The following ARHGAP29 variants were observed in gnomAD, a reference collection of about 807,000 sequenced individuals.
ARHGAP29 encodes Rho GTPase activating protein 29, also known as rho GTPase-activating protein 29.
Under a neutral mutation model 122.6 loss-of-function variants are expected in ARHGAP29, and 43 were observed. The observed-to-expected ratio is 0.35, with a 90% CI of 0.27 to 0.45. The LOEUF (loss-of-function observed/expected upper bound fraction) is 0.45. ARHGAP29 is among the 20% of genes least tolerant of loss of function. The probability of loss-of-function intolerance (pLI) is 1.00; values close to 1 mark genes in which losing one functional copy is unlikely to be tolerated. For missense variants in ARHGAP29, 1,303 were observed against 1,477.2 expected (o/e 0.88, Z 1.93); for synonymous variants, 506 against 497.1 (o/e 1.02, Z -0.24).
chr1:94,225,571 ACATTT>A (rs1013640091), intron 2 of ARHGAP29, among the ~76,000 whole-genome samples: 22 of 152,202 alleles, frequency 1.4e-4, no homozygotes, highest in Non-Finnish European at 2.8e-4. Flanking sequence ...AAAAGACATT[ACATTT>A]AAGTTTCAAT....
intron 1 of ARHGAP29, among the ~76,000 whole-genome samples, chr1:94,264,903 C>T: frequency 6.6e-6 from 1 of 152,182 alleles, no homozygotes; most frequent in Non-Finnish European, 1.5e-5. Flanking sequence ...TGGGTTGCCA[C>T]TTCTGCCCTA....
At chr1:94,217,529 CA>C (rs11297785) in intron 3 of ARHGAP29, among the ~76,000 whole-genome samples, 102,640 of 127,584 alleles carry the variant, frequency 0.8, 41,947 homozygotes, top group Non-Finnish European at 0.91. Flanking sequence ...GACACCGTCT[CA>C]AAAAAAAAAA....
At chr1:94,240,971 A>C (rs1243445013), upstream of ARHGAP29, among the ~76,000 whole-genome samples, 1 of 152,128 alleles carries the variant, frequency 6.6e-6, no homozygotes, top group Non-Finnish European at 1.5e-5. Flanking sequence ...ATTTGACAAT[A>C]TCTGGAGACA....
chr1:94,302,607 A>T, the ARHGAP29 span: 1 of 395,262 alleles, frequency 2.5e-6, no homozygotes, highest in Non-Finnish European at 5.0e-6. Context: ...CTGTGGTGTG[A>T]TGGCCATGGG....
intron 2 of ARHGAP29, among the ~76,000 whole-genome samples, chr1:94,228,128 T>G (rs528938709): frequency 6.6e-6 from 1 of 151,738 alleles, no homozygotes; most frequent in South Asian, 2.1e-4. Flanking sequence ...ATTTGTAAAT[T>G]AGAAAATTAG....
intron 12 of ARHGAP29, chr1:94,195,957 T>A (rs1356498778): frequency 6.6e-6 from 1 of 152,202 alleles, no homozygotes; most frequent in African/African-American, 2.4e-5. Flanking sequence ...CATTAATAAT[T>A]GTTACTGTGT....
intron 2 of ARHGAP29, among the ~76,000 whole-genome samples, chr1:94,223,868 T>G (rs950510985): frequency 6.6e-5 from 10 of 151,752 alleles, no homozygotes; most frequent in Non-Finnish European, 1.3e-4. Flanking sequence ...AATGCCACGG[T>G]GCAATCTCAG....
At chr1:94,218,804 G>C (rs1186011802) in intron 3 of ARHGAP29, among the ~76,000 whole-genome samples, 1 of 152,150 alleles carries the variant, frequency 6.6e-6, no homozygotes, top group Non-Finnish European at 1.5e-5. Flanking sequence ...GCTGGTAGGG[G>C]TGGTTTCCTT....
intron 1 of ARHGAP29, among the ~76,000 whole-genome samples, chr1:94,271,187 C>G (rs1654979124): frequency 6.6e-6 from 1 of 152,212 alleles, no homozygotes; most frequent in African/African-American, 2.4e-5. Flanking sequence ...CAGAGGCCTC[C>G]TTCAATTGCT....
intron 16 of ARHGAP29, 107 bp downstream of exon 16, chr1:94,186,392 A>G (rs1011393479): frequency 5.0e-5 from 37 of 746,964 alleles, no homozygotes; most frequent in Admixed American, 1.7e-4. Context: ...TTTTTGTTTA[A>G]TACACAAAAA....
rs775193842 is a variant in ARHGAP29 at position 94,189,287 on chromosome 1, T to A, written c.1505A>T (p.Asp502Val). The A allele has an allele frequency of 1.6e-5, 26 of 1,613,140 alleles. No individual in the cohort carries two copies. Among genetic ancestry groups the A allele is most frequent in the Non-Finnish European group, 2.2e-5 (26 of 1,179,472 alleles). The change falls in exon 14 of 23, where the codon GAT becomes GTT. Residue 502 changes from aspartate (D) to valine (V), a missense_variant. Transcript: ENST00000260526. ...SGFGPANSLE[D>V]VVRLPDSSNK... ...AGAACTGTCAGGAAGGCGTACAACA[T>A]CCTCTAAAGAGTTGGCAGGTCCAAA...
At chr1:94,187,863 A>G (rs1011100163) in intron 15 of ARHGAP29, among the ~76,000 whole-genome samples, 1 of 152,190 alleles carries the variant, frequency 6.6e-6, no homozygotes, top group Admixed American at 6.6e-5. Flanking sequence ...TGCTAGTTCT[A>G]AAGAAGGCAG....
intron 8 of ARHGAP29, among the ~76,000 whole-genome samples, chr1:94,203,579 T>G (rs139030161): frequency 1.3e-3 from 205 of 152,064 alleles, no homozygotes; most frequent in African/African-American, 4.8e-3. Context: ...TACAAAAACA[T>G]GCAAAAATTA....
chr1:94,246,375 G>A (rs1653796242), intron 1 of ARHGAP29, among the ~76,000 whole-genome samples: 1 of 152,062 alleles, frequency 6.6e-6, no homozygotes, highest in Non-Finnish European at 1.5e-5. Context: ...TTCTTGAAAG[G>A]GGAATCTCCT....
At chr1:94,236,981 T>C (rs977048484) in intron 1 of ARHGAP29, among the ~76,000 whole-genome samples, 8 of 152,118 alleles carry the variant, frequency 5.3e-5, no homozygotes, top group African/African-American at 1.9e-4. Flanking sequence ...CAACCACTAG[T>C]CTGTGTGCTT....
intron 19 of ARHGAP29, 68 bp from the exon 20 acceptor site, chr1:94,180,025 C>T: frequency 9.4e-7 from 1 of 1,061,440 alleles, no homozygotes; most frequent in Non-Finnish European, 1.4e-6. Context: ...CTATTACTAA[C>T]AGTTACAGAG....
chr1:94,204,625 T>C (rs756946845), intron 7 of ARHGAP29, among the ~76,000 whole-genome samples: 10 of 152,248 alleles, frequency 6.6e-5, no homozygotes, highest in Non-Finnish European at 1.5e-4. Flanking sequence ...TCTTGCCTAC[T>C]TCTCAGAGTT....
intron 15 of ARHGAP29, among the ~76,000 whole-genome samples, 181 bp from the exon 16 acceptor site, chr1:94,186,778 GA>G (rs1649831103): frequency 1.3e-5 from 2 of 152,158 alleles, no homozygotes; most frequent in Non-Finnish European, 2.9e-5. Context: ...GGAACAAAAA[GA>G]AATTTAACCA....
At chr1:94,228,611 C>T (rs1161659057) in intron 2 of ARHGAP29, among the ~76,000 whole-genome samples, 2 of 151,754 alleles carry the variant, frequency 1.3e-5, no homozygotes, top group African/African-American at 4.8e-5. Flanking sequence ...GTTATACATA[C>T]ATCTCATCTG....
Sources: allele counts gnomAD v4.1 joint callset (sites outside exome capture counted in the v4.1 genomes callset), GRCh38; gene constraint gnomAD v4.1.1; transcripts MANE v1.5; gene names NCBI Gene and HGNC (gene_info 2026-07-23, HGNC 2026-07-21).